Variants in RCC1L observed in about 807,000 individuals in gnomAD.
RCC1L encodes the protein RCC1 like, also known as RCC1-like G exchanging factor-like protein.
Under a neutral mutation model 58.6 loss-of-function variants are expected in RCC1L, and 46 were observed. The ratio of observed to expected loss-of-function variants is 0.79; its 90% CI spans 0.62 to 1.00. RCC1L has a LOEUF of 1.00. Ranked by LOEUF, RCC1L falls within the 50% of genes least tolerant of loss-of-function variation. RCC1L has a pLI of 0.00. For missense variants in RCC1L, 636 were observed against 623.6 expected (o/e 1.02, Z -0.21); for synonymous variants, 281 against 262.9 (o/e 1.07, Z -0.67).
intron 9 of RCC1L, chr7:75,055,523 T>C: frequency 3.3e-6 from 1 of 303,852 alleles, no homozygotes; most frequent in East Asian, 8.4e-5. Flanking sequence ...GGCCAGGGAA[T>C]GGGATTAAGC....
At chr7:75,066,164 C>T (rs1386832415) in intron 3 of RCC1L, among the ~76,000 whole-genome samples, 5 of 151,962 alleles carry the variant, frequency 3.3e-5, no homozygotes, top group Non-Finnish European at 7.4e-5. Flanking sequence ...TAAGAATCAA[C>T]AAGGTGGCCA....
chr7:75,066,730 C>T lies in RCC1L; in HGVS notation c.517G>A (p.Glu173Lys). The T allele has an allele frequency of 1.9e-6, 3 of 1,613,704 alleles. No homozygotes were observed. Among genetic ancestry groups the T allele is most frequent in the East Asian group, 4.5e-5 (2 of 44,854 alleles). ...CAGGAGACCTGCAGCACCCGTGTCT[C>T]CTGAGGTCTGTCCAGAGGCAGGGAG... ...PVSLPLDRPQETRVLQVSCGR... is the reference protein window; with the variant it reads ...PVSLPLDRPQKTRVLQVSCGR... Residue 173 changes from glutamate (E) to lysine (K), a missense_variant, in exon 3 of 11, where the codon GAG (glutamate) becomes AAG (lysine). Glu to Lys is a moderately conservative substitution (Grantham distance 56). Transcript: ENST00000610322.
chr7:75,027,989 C>T, exon 11 of RCC1L: 9 of 1,529,720 alleles, frequency 5.9e-6, no homozygotes, highest in Non-Finnish European at 7.9e-6. Flanking sequence ...TCCGCAGTTG[C>T]ATGGAACTCC....
intron 9 of RCC1L, 111 bp downstream of exon 9, chr7:75,055,790 G>A (rs1389012081): frequency 5.7e-5 from 73 of 1,284,060 alleles, no homozygotes; most frequent in Non-Finnish European, 7.9e-5. Flanking sequence ...GTACAAAGGC[G>A]CCGTTCTGTT....
At position 75,066,708 on chromosome 7, in the gene RCC1L, G is replaced by T; in HGVS notation, c.539C>A (p.Ser180Tyr). ...RPQETRVLQV[S>Y]CGRAHSLVLT... ...CACAAGAGAGTGAGCTCGGCCGCAG[G>T]AGACCTGCAGCACCCGTGTCTCCTG... is the stretch of plus-strand genomic sequence containing the variant. Residue 180 changes from serine to tyrosine, a missense_variant, in exon 3 of 11, where the codon TCC becomes TAC. Transcript: ENST00000610322. 6.2e-7 allele frequency: 1 copy of T among 1,613,536 alleles called. No individual in the cohort carries two copies. The highest frequency in any genetic ancestry group is 8.5e-7 in the Non-Finnish European group (1 of 1,179,734).
chr7:75,042,897 G>T lies in RCC1L; in HGVS notation c.*135C>A. On this transcript the variant is annotated 3_prime_UTR_variant, in exon 11 of 11. Coordinates refer to ENST00000610322, the MANE Select transcript of RCC1L (RefSeq NM_030798.5). ...GGTAGGTACCCGCTAAGGGATTCAG[G>T]ACAGAGCGTCACACTGCACGCAGGG... 1 of 1,521,056 alleles carries T rather than the reference G, an allele frequency of 6.6e-7. No individual in the cohort carries two copies. The highest frequency in any genetic ancestry group is 2.2e-4 in the Middle Eastern group (1 of 4,492). 94.2% of individuals were successfully genotyped at this position (1,521,056 alleles called of 1,614,324 possible). A position where few individuals can be genotyped will look rare whatever the true frequency, so the allele number is the denominator to read the frequency against.
At chr7:75,051,353 CACAT>C (rs1259030011) in intron 10 of RCC1L, among the ~76,000 whole-genome samples, 5 of 146,914 alleles carry the variant, frequency 3.4e-5, no homozygotes, top group Non-Finnish European at 6.0e-5. Flanking sequence ...TATACACACA[CACAT>C]ATATATACAC....
In RCC1L at chr7:75,042,745, C is replaced by T. The variant is rs1805603631; in HGVS notation, c.*287G>A. On this transcript the variant is annotated 3_prime_UTR_variant, in exon 11 of 11. Transcript: ENST00000610322. ...TTCTCAGGCGAGACGTGACACCAGA[C>T]ACCGTCGCATGTTACTTGGAGAGAA... 1.6e-5 allele frequency: 22 copies of T among 1,360,050 alleles called. No individual in the cohort carries two copies. Among genetic ancestry groups the T allele is most frequent in the Non-Finnish European group, 1.9e-5 (20 of 1,048,888 alleles). 84.2% of individuals were successfully genotyped at this position (1,360,050 alleles called of 1,614,324 possible).
chr7:75,073,542 A>G lies in RCC1L; in HGVS notation c.196T>C (p.Phe66Leu), dbSNP rs1554446490. The G allele has an allele frequency of 2.7e-6, 4 of 1,498,206 alleles. No homozygotes were observed. The highest frequency in any genetic ancestry group is 3.5e-6 in the Non-Finnish European group (4 of 1,132,562). 92.8% of individuals were successfully genotyped at this position (1,498,206 alleles called of 1,614,324 possible). The change falls in exon 1 of 11, where the codon TTC becomes CTC. Residue 66 changes from phenylalanine (F) to leucine (L), a missense_variant. Phe to Leu is a conservative substitution (Grantham distance 22). Transcript: ENST00000610322. Reference sequence around the variant, plus strand: ...ACGCCCAGCGCCCCCGAGAAGCTGAAGCCCCACACGAAGACGCGATCGGCG... The same window carrying G: ...ACGCCCAGCGCCCCCGAGAAGCTGAGGCCCCACACGAAGACGCGATCGGCG... ...ARADRVFVWG[F>L]SFSGALGVPS...
intron 10 of RCC1L, among the ~76,000 whole-genome samples, chr7:75,051,813 C>G (rs1462672871): frequency 6.6e-6 from 1 of 152,142 alleles, no homozygotes; most frequent in Non-Finnish European, 1.5e-5. Flanking sequence ...TGTATGTACT[C>G]ACAGGCACAC....
intron 10 of RCC1L, among the ~76,000 whole-genome samples, chr7:75,036,899 T>C (rs933344481): frequency 7.2e-5 from 11 of 151,978 alleles, no homozygotes; most frequent in Admixed American, 7.2e-4. Flanking sequence ...TGAGACTCTG[T>C]CTCAAAAATA....
chr7:75,065,941 C>G (rs2132006643), intron 3 of RCC1L, among the ~76,000 whole-genome samples: 1 of 150,450 alleles, frequency 6.6e-6, no homozygotes, highest in East Asian at 2.0e-4. Flanking sequence ...TTGCTTGAAC[C>G]TGGGAGGCAG....
downstream of RCC1L, among the ~76,000 whole-genome samples, chr7:75,038,834 C>T (rs1805484725): frequency 1.3e-5 from 2 of 152,180 alleles, no homozygotes; most frequent in Non-Finnish European, 2.9e-5. Flanking sequence ...TGTGAAGCCA[C>T]CTGTGCCAGT....
At chr7:75,057,020 C>T (rs1472476402) in intron 8 of RCC1L, among the ~76,000 whole-genome samples, 2 of 152,230 alleles carry the variant, frequency 1.3e-5, no homozygotes, top group East Asian at 1.9e-4. Context: ...GTCATCCAGG[C>T]TGGAGTGCAG....
chr7:75,040,850 T>C (rs1478214018), downstream of RCC1L, among the ~76,000 whole-genome samples: 4 of 152,090 alleles, frequency 2.6e-5, no homozygotes, highest in Admixed American at 1.3e-4. Flanking sequence ...CTCCCCTAGA[T>C]ATCTGAGTGG....
At chr7:75,050,076 G>A (rs377258140) in intron 10 of RCC1L, among the ~76,000 whole-genome samples, 80,734 of 152,020 alleles carry the variant, frequency 0.53, 23,080 homozygotes, top group East Asian at 0.88. Flanking sequence ...CCGCCGTCAC[G>A]GGGACAGGCT....
chr7:75,067,703 G>A (rs1806550197), intron 2 of RCC1L, among the ~76,000 whole-genome samples: 1 of 152,062 alleles, frequency 6.6e-6, no homozygotes, highest in Non-Finnish European at 1.5e-5. Flanking sequence ...CAGCTACTTG[G>A]GAGGCTGAGG....
chr7:75,045,796 G>A (rs1394920906), intron 10 of RCC1L, among the ~76,000 whole-genome samples: 2 of 152,222 alleles, frequency 1.3e-5, no homozygotes, highest in Non-Finnish European at 2.9e-5. Flanking sequence ...TTACAGGCGT[G>A]AGCCGCTGCA....
intron 6 of RCC1L, among the ~76,000 whole-genome samples, chr7:75,060,236 T>A (rs1554444388): frequency 0.57 from 86,177 of 152,078 alleles, 25,408 homozygotes; most frequent in East Asian, 0.93. Flanking sequence ...AATAACAAAC[T>A]TTACATTGTC....
Sources: gnomAD v4.1 joint callset for allele counts (sites outside exome capture counted in the v4.1 genomes callset) on GRCh38, gnomAD v4.1.1 for gene constraint, MANE v1.5 for transcripts, NCBI Gene and HGNC (gene_info 2026-07-23, HGNC 2026-07-21) for gene names.